Variants in EXD3 observed in about 807,000 individuals in gnomAD.
EXD3 encodes the protein exonuclease 3'-5' domain containing 3.
Under a neutral mutation model 98.0 loss-of-function variants are expected in EXD3, and 92 were observed. The observed-to-expected ratio is 0.94, with a 90% CI of 0.79 to 1.12. The LOEUF (loss-of-function observed/expected upper bound fraction) is 1.12. EXD3 is among the 50% of genes most tolerant of loss of function. The probability of loss-of-function intolerance (pLI) is 0.00; values close to 1 mark genes in which losing one functional copy is unlikely to be tolerated. For missense variants in EXD3, 1,222 were observed against 1,191.6 expected (o/e 1.03, Z -0.38); for synonymous variants, 569 against 526.0 (o/e 1.08, Z -1.12).
chr9:137,421,575 ACCTATAAC>A (rs1178288954), intron 1 of EXD3, among the ~76,000 whole-genome samples: 2 of 152,238 alleles, frequency 1.3e-5, no homozygotes, highest in East Asian at 3.8e-4. Context: ...AGAGGTTCAC[ACCTATAAC>A]CCCAGCACTT....
Position 137,309,530 on chromosome 9 carries a change from C to A in EXD3, c.2278+77G>T, listed in dbSNP as rs543280395. On this transcript the variant is annotated intron_variant, in intron 20 of 21. Coordinates refer to ENST00000340951, the MANE Select transcript of EXD3 (RefSeq NM_017820.5). ...GAAGCTCAGTGCTGGACGGGCCAGG[C>A]CCCTCTCCCTGGCTACCTCAGTAGG... The A allele has an allele frequency of 4.1e-6, 5 of 1,230,792 alleles. No homozygotes were observed. In the African/African-American group the frequency reaches 6.0e-5, roughly 15 times the overall value. The allele number at this position is 1,230,792 out of a possible 1,614,324, so 76.2% of individuals were successfully genotyped here. A position where few individuals can be genotyped will look rare whatever the true frequency, so the allele number is the denominator to read the frequency against.
At chr9:137,366,444 C>T (rs757156169) in intron 7 of EXD3, 49 bp downstream of exon 7, 52 of 1,531,438 alleles carry the variant, frequency 3.4e-5, no homozygotes, top group Non-Finnish European at 4.5e-5. Context: ...CTAACCAGGG[C>T]TCCCAGGATG....
At chr9:137,420,743 C>CCT (rs928435782) in intron 1 of EXD3, among the ~76,000 whole-genome samples, 2 of 147,534 alleles carry the variant, frequency 1.4e-5, no homozygotes, top group Non-Finnish European at 3.0e-5. Context: ...ATTCACCCCC[C>CCT]CCCCCAAATT....
At chr9:137,409,991 AT>A (rs1172789442) in intron 1 of EXD3, among the ~76,000 whole-genome samples, 3 of 152,190 alleles carry the variant, frequency 2.0e-5, no homozygotes, top group Non-Finnish European at 4.4e-5. Context: ...CCTGGCCAAC[AT>A]GGTGAAACCC....
chr9:137,355,649 A>AGGAGGAAGGAGGAAGGAGAAAG (rs1834698992), intron 8 of EXD3, among the ~76,000 whole-genome samples: 1 of 124,994 alleles, frequency 8.0e-6, no homozygotes, highest in African/African-American at 3.2e-5. Context: ...GGAAGGAGGA[A>AGGAGGAAGGAGGAAGGAGAAAG]GGAGGAAGGA....
intron 19 of EXD3, among the ~76,000 whole-genome samples, chr9:137,312,144 C>A (rs879789809): frequency 1.3e-5 from 2 of 152,200 alleles, no homozygotes; most frequent in African/African-American, 2.4e-5. Context: ...TGGGCAGAGA[C>A]AAGTGGGGCC....
rs186286969 is a variant in EXD3, at chr9:137,398,393, C to T, written c.-47-2989G>A. ...CTTCCCTCTTGTCCCCTGTGCTCCC[C>T]GAAGTTCACCTCCTAGTTCTAAGGG... On this transcript the variant is annotated intron_variant, in intron 1 of 21. Transcript: ENST00000340951. Among the ~76,000 whole-genome samples the T allele has an allele frequency of 4.9e-3, 747 of 152,320 alleles. 7 individuals are homozygous for T. Among genetic ancestry groups the T allele is most frequent in the African/African-American group, 0.017 (699 of 41,578 alleles).
At chr9:137,353,305 C>G in intron 10 of EXD3, 5 of 985,404 alleles carry the variant, frequency 5.1e-6, no homozygotes, top group Non-Finnish European at 4.8e-6. Context: ...CCTCTGCCGG[C>G]CCTCCTGCTC....
chr9:137,370,228 C>T (rs1588367960), intron 5 of EXD3, among the ~76,000 whole-genome samples: 1 of 152,318 alleles, frequency 6.6e-6, no homozygotes, highest in Admixed American at 6.5e-5. Context: ...GTGGTGGTGC[C>T]TGGCTTAGAA....
chr9:137,390,876 C>G (rs925301861), intron 2 of EXD3, among the ~76,000 whole-genome samples: 4 of 152,238 alleles, frequency 2.6e-5, no homozygotes, highest in Non-Finnish European at 4.4e-5. Context: ...CTGGCCAGGT[C>G]AAGGCCAGTG....
At position 137,395,201 on chromosome 9, in the gene EXD3, C is replaced by G; in HGVS notation, c.55+102G>C. ...GCAGCTAGGGGCCAGCAGCCTGGCC[C>G]TCGTCACTGAGTACACAGTGGGCGC... On this transcript the variant is annotated intron_variant, in intron 2 of 21. Coordinates refer to ENST00000340951, the MANE Select transcript of EXD3 (RefSeq NM_017820.5). The surrounding 1 kb of genome is among the most constrained non-coding windows in gnomAD (Gnocchi z 6.5). 1 of 1,125,562 alleles carries G rather than the reference C, an allele frequency of 8.9e-7. No individual in the cohort carries two copies. The allele number at this position is 1,125,562 out of a possible 1,614,324, so 69.7% of individuals were successfully genotyped here. A position where few individuals can be genotyped will look rare whatever the true frequency, so the allele number is the denominator to read the frequency against.
At chr9:137,309,287 C>G (rs988354364) in intron 20 of EXD3, among the ~76,000 whole-genome samples, 1 of 152,130 alleles carries the variant, frequency 6.6e-6, no homozygotes, top group Non-Finnish European at 1.5e-5. Context: ...GTGTGTGTGT[C>G]TGTGTGCACC....
intron 17 of EXD3, among the ~76,000 whole-genome samples, chr9:137,337,185 C>T (rs1011154301): frequency 1.3e-5 from 2 of 152,096 alleles, no homozygotes; most frequent in African/African-American, 4.8e-5. Flanking sequence ...AGATTTCACA[C>T]AACAGAAAGA....
At chr9:137,373,111 C>T in intron 4 of EXD3, 39 bp from the exon 5 acceptor site, 1 of 1,518,814 alleles carries the variant, frequency 6.6e-7, no homozygotes, top group Non-Finnish European at 8.8e-7. Flanking sequence ...GACGCAGCAC[C>T]CAGTGGCTGG....
At chr9:137,391,818 G>A (rs969745456) in intron 2 of EXD3, 1 of 152,146 alleles carries the variant, frequency 6.6e-6, no homozygotes, top group South Asian at 2.1e-4. Context: ...AAAAGCTGAA[G>A]TTTTTTATTT....
intron 8 of EXD3, among the ~76,000 whole-genome samples, chr9:137,355,534 A>AG (rs1170390042): frequency 2.1e-4 from 17 of 82,046 alleles, no homozygotes; most frequent in African/African-American, 3.3e-4. Context: ...GGATGGAGGA[A>AG]GGAGGAAGGA....
chr9:137,315,763 G>T (rs1056444807), intron 19 of EXD3, among the ~76,000 whole-genome samples: 3 of 151,926 alleles, frequency 2.0e-5, no homozygotes, highest in Non-Finnish European at 2.9e-5. Flanking sequence ...GCCCTGGGCG[G>T]GCAGGAGGAA....
chr9:137,343,997 T>C (rs1284417164), intron 17 of EXD3, among the ~76,000 whole-genome samples: 1 of 148,054 alleles, frequency 6.8e-6, no homozygotes, highest in Non-Finnish European at 1.5e-5. Context: ...GTTCACGCCA[T>C]TCTCCTGCCT....
intron 19 of EXD3, among the ~76,000 whole-genome samples, chr9:137,313,661 C>T (rs979737243): frequency 2.0e-5 from 3 of 152,106 alleles, no homozygotes; most frequent in African/African-American, 7.2e-5. Flanking sequence ...GGGCTGGGGC[C>T]CTGGCCTGGG....
Sources: allele counts gnomAD v4.1 joint callset (sites outside exome capture counted in the v4.1 genomes callset), GRCh38; gene constraint gnomAD v4.1.1; non-coding constraint Gnocchi (gnomAD v3.1); transcripts MANE v1.5; gene names NCBI Gene and HGNC (gene_info 2026-07-23, HGNC 2026-07-21).